TRPM3: variants seen among roughly 807,000 people sequenced by gnomAD.
TRPM3 encodes long transient receptor potential channel 3.
In TRPM3, 77 loss-of-function variants were observed where a neutral mutation model predicts 181.2. The observed-to-expected ratio is 0.42, with a 90% CI of 0.35 to 0.51. The LOEUF (loss-of-function observed/expected upper bound fraction) is 0.51. Ranked by LOEUF, TRPM3 falls within the 20% of genes least tolerant of loss-of-function variation. TRPM3 has a pLI of 0.01. For synonymous variants in TRPM3, 745 were observed against 796.4 expected (o/e 0.94, Z 1.09); for missense variants, 1,759 against 2,196.7 (o/e 0.80, Z 3.98).
rs74365893 is a variant in TRPM3 at position 71,391,806 on chromosome 9, T to A, written c.183+54847A>T. Reference sequence around the variant, plus strand: ...TGAATTTAAGTCATTCTTGTGGGCATGAAATACTTCTAGTTCTTTCAGCTG... The same window carrying A: ...TGAATTTAAGTCATTCTTGTGGGCAAGAAATACTTCTAGTTCTTTCAGCTG... On this transcript the variant is annotated intron_variant, in intron 1 of 24. Transcript: ENST00000357533. Among the ~76,000 whole-genome samples the A allele has an allele frequency of 3.2e-3, 480 of 152,234 alleles. 4 individuals are homozygous for A. The highest frequency in any genetic ancestry group is 4.5e-3 in the Non-Finnish European group (308 of 67,976).
At chr9:70,893,694 G>A (rs894054770) in intron 1 of TRPM3, among the ~76,000 whole-genome samples, 4 of 152,092 alleles carry the variant, frequency 2.6e-5, no homozygotes, top group South Asian at 2.1e-4. Flanking sequence ...GAAGCAAAGC[G>A]CCCTCCTCCT....
chr9:70,891,762 G>A lies in TRPM3; in HGVS notation c.178-27251C>T, dbSNP rs148486146. Among the ~76,000 whole-genome samples, 116 of 152,236 alleles carry A rather than the reference G, an allele frequency of 7.6e-4. 2 individuals carry two copies. The East Asian group carries it at 0.019, about 26-fold the overall frequency. ...GAGCCACTGTTAGGAGGTTTCTTATGCATTATCTGATTTAATCCTAATGAC... is the reference window on the plus strand; with the variant it reads ...GAGCCACTGTTAGGAGGTTTCTTATACATTATCTGATTTAATCCTAATGAC... On this transcript the variant is annotated intron_variant, in intron 1 of 25. Transcript: ENST00000677713.
At chr9:71,165,106 C>G (rs1466878555) in intron 1 of TRPM3, among the ~76,000 whole-genome samples, 1 of 152,154 alleles carries the variant, frequency 6.6e-6, no homozygotes, top group African/African-American at 2.4e-5. Context: ...TATAGACCAG[C>G]CCCGGAGCCA....
At chr9:71,051,841 T>C (rs564137689) in intron 1 of TRPM3, among the ~76,000 whole-genome samples, 13 of 152,242 alleles carry the variant, frequency 8.5e-5, no homozygotes, top group Non-Finnish European at 1.5e-4. Context: ...TGATCAAATA[T>C]ATATCTGAAA....
Position 71,121,578 on chromosome 9 carries a change from A to C in TRPM3, c.-224T>G. The C allele has an allele frequency of 7.5e-7, 1 of 1,332,042 alleles. No individual in the cohort carries two copies. The highest frequency in any genetic ancestry group is 1.5e-5 in the African/African-American group (1 of 67,490). The allele number at this position is 1,332,042 out of a possible 1,614,324, so 82.5% of individuals were successfully genotyped here. A position where few individuals can be genotyped will look rare whatever the true frequency, so the allele number is the denominator to read the frequency against. On this transcript the variant is annotated 5_prime_UTR_variant, in exon 1 of 26. Transcript: ENST00000677713. ...ATTTTGAAGAAGAGGGACAGCCTGC[A>C]CAAAACAGCCTGTGGTCGGAGTCAA...
At chr9:70,791,540 GTTAAC>G (rs1356792069) in intron 6 of TRPM3, among the ~76,000 whole-genome samples, 1 of 152,116 alleles carries the variant, frequency 6.6e-6, no homozygotes, top group African/African-American at 2.4e-5. Flanking sequence ...CTTACTGATA[GTTAAC>G]TTAATGAACC....
rs963768338 is a variant in TRPM3 at position 70,861,785 on chromosome 9, C to T, written c.462+1123G>A. On this transcript the variant is annotated intron_variant, in intron 3 of 25. Coordinates refer to ENST00000677713, the MANE Select transcript of TRPM3 (RefSeq NM_001366145.2). ...TTAACTCATTCTTTGTTTTCCCAAG[C>T]CTTGCTGGAGGTTGCAAATAGCACA... 3.3e-5 allele frequency among the ~76,000 whole-genome samples: 5 copies of T among 152,088 alleles called. No homozygotes were observed. The East Asian group carries it at 7.7e-4, about 23-fold the overall frequency.
chr9:71,000,099 A>C (rs1345217179), intron 1 of TRPM3, among the ~76,000 whole-genome samples: 1 of 152,194 alleles, frequency 6.6e-6, no homozygotes, highest in Non-Finnish European at 1.5e-5. Flanking sequence ...CTCTGAGGGA[A>C]GGGAAACCCC....
chr9:70,633,076 A>G (rs997930455), intron 12 of TRPM3, among the ~76,000 whole-genome samples: 1 of 152,182 alleles, frequency 6.6e-6, no homozygotes, highest in Non-Finnish European at 1.5e-5. Flanking sequence ...GAATTGGATG[A>G]GCGACTCTTT....
chr9:70,604,730 T>C (rs2060695994), intron 19 of TRPM3, among the ~76,000 whole-genome samples: 4 of 152,016 alleles, frequency 2.6e-5, no homozygotes, highest in Admixed American at 2.6e-4. Context: ...CATTGTAGCA[T>C]TGACTTCCTG....
chr9:70,633,423 C>A (rs1216602935), intron 12 of TRPM3, among the ~76,000 whole-genome samples: 1 of 152,048 alleles, frequency 6.6e-6, no homozygotes, highest in African/African-American at 2.4e-5. Context: ...AATGGGTAGA[C>A]CAGTGAAAGA....
intron 1 of TRPM3, among the ~76,000 whole-genome samples, chr9:71,286,487 C>T (rs558838831): frequency 3.3e-5 from 5 of 152,178 alleles, no homozygotes; most frequent in Non-Finnish European, 5.9e-5. Context: ...ACCAAACTAG[C>T]TTTTTGGTCA....
intron 1 of TRPM3, among the ~76,000 whole-genome samples, chr9:71,404,131 G>C (rs1216570183): frequency 3.3e-5 from 5 of 152,088 alleles, no homozygotes; most frequent in Non-Finnish European, 7.4e-5. Context: ...TATAAAACAA[G>C]GGCTGTAATA....
intron 1 of TRPM3, among the ~76,000 whole-genome samples, chr9:70,963,306 T>C (rs963537047): frequency 1.3e-5 from 2 of 152,192 alleles, no homozygotes; most frequent in African/African-American, 4.8e-5. Context: ...AAGGAAGACA[T>C]CATTTCTCCC....
intron 6 of TRPM3, among the ~76,000 whole-genome samples, chr9:70,821,137 A>C (rs1244390230): frequency 6.9e-6 from 1 of 145,306 alleles, no homozygotes; most frequent in Non-Finnish European, 1.5e-5. Context: ...ATTGTTAAAA[A>C]ATTCTTAGAC....
In TRPM3 at chr9:71,056,968, G is replaced by A. The variant is rs181806808; in HGVS notation, c.177+64210C>T. Among the ~76,000 whole-genome samples the A allele has an allele frequency of 2.8e-3, 419 of 152,144 alleles. 1 individual carries two copies. The highest frequency in any genetic ancestry group is 0.01 in the Middle Eastern group (3 of 294). ...ACTAAGATGGACAAAACAATGAGAG[G>A]AAATGTTTTGGGGGCTCCTGAAATT... On this transcript the variant is annotated intron_variant, in intron 1 of 25. Transcript: ENST00000677713.
chr9:71,362,979 C>T (rs913181282), intron 1 of TRPM3, among the ~76,000 whole-genome samples: 6 of 152,048 alleles, frequency 3.9e-5, no homozygotes, highest in South Asian at 2.1e-4. Context: ...AACAAGCAAA[C>T]GAACCAAGAA....
chr9:71,348,714 C>T (rs2091437139), intron 1 of TRPM3, among the ~76,000 whole-genome samples: 1 of 151,594 alleles, frequency 6.6e-6, no homozygotes, highest in Admixed American at 6.6e-5. Flanking sequence ...ACAGGTGCCC[C>T]CTACCAAGCC....
At position 70,794,601 on chromosome 9, in the gene TRPM3, G is replaced by T. The variant is rs188156283; in HGVS notation, c.974-10322C>A. Among the ~76,000 whole-genome samples, 17 of 152,290 alleles carry T rather than the reference G, an allele frequency of 1.1e-4. No individual in the cohort carries two copies. The East Asian group carries it at 1.9e-3, about 17-fold the overall frequency. On this transcript the variant is annotated intron_variant, in intron 6 of 25. Transcript: ENST00000677713. ...CTTTTCCTTAGGCTTTGGGCTGCCT[G>T]TTTGCATCTGGGCAGAATCTTCTGT...
Sources: allele counts gnomAD v4.1 joint callset (sites outside exome capture counted in the v4.1 genomes callset), GRCh38; gene constraint gnomAD v4.1.1; transcripts MANE v1.5; gene names NCBI Gene and HGNC (gene_info 2026-07-23, HGNC 2026-07-21).